MACROD2: variants seen among roughly 807,000 people sequenced by gnomAD.
MACROD2 encodes the protein mono-ADP ribosylhydrolase 2, also known as ADP-ribose glycohydrolase MACROD2.
MACROD2 carries 36 observed loss-of-function variants against 70.4 expected under a neutral mutation model. The ratio of observed to expected loss-of-function variants is 0.51; its 90% CI spans 0.39 to 0.68. MACROD2 has a LOEUF of 0.68. MACROD2 is among the 30% of genes least tolerant of loss of function. MACROD2 has a pLI of 0.00. For synonymous variants in MACROD2, 172 were observed against 178.8 expected, an observed-to-expected ratio of 0.96 and a Z score of 0.30; for missense variants, 496 against 538.4, an observed-to-expected ratio of 0.92 and a Z score of 0.78.
intron 15 of MACROD2, among the ~76,000 whole-genome samples, chr20:16,013,764 T>C (rs775107): frequency 0.26 from 39,505 of 152,206 alleles, 5,266 homozygotes; most frequent in South Asian, 0.35. Context: ...CAGAGTGACA[T>C]TGCAATTTAC....
chr20:14,051,228 A>G (rs1601161641), intron 2 of MACROD2, among the ~76,000 whole-genome samples: 2 of 152,224 alleles, frequency 1.3e-5, no homozygotes, highest in African/African-American at 2.4e-5. Flanking sequence ...TTTAAAATAC[A>G]TAATGTTGTT....
chr20:14,989,501 T>G (rs2074881225), intron 5 of MACROD2, among the ~76,000 whole-genome samples: 1 of 151,534 alleles, frequency 6.6e-6, no homozygotes, highest in Non-Finnish European at 1.5e-5. Flanking sequence ...GAAAAGGGAG[T>G]GGAGGCAGAC....
At chr20:15,930,818 G>A (rs1381906665) in intron 10 of MACROD2, among the ~76,000 whole-genome samples, 1 of 152,194 alleles carries the variant, frequency 6.6e-6, no homozygotes, top group Non-Finnish European at 1.5e-5. Context: ...CTATTAGAAA[G>A]CTGGATTTCA....
intron 5 of MACROD2, among the ~76,000 whole-genome samples, chr20:15,041,667 CTCCTGGGCTCAAGT>C: frequency 6.6e-6 from 1 of 152,230 alleles, no homozygotes; most frequent in Admixed American, 6.5e-5. Flanking sequence ...TGGTCTCAAG[CTCCTGGGCTCAAGT>C]GATCCTCCTG....
intron 4 of MACROD2, among the ~76,000 whole-genome samples, chr20:14,620,591 T>C (rs1983773220): frequency 6.6e-6 from 1 of 152,084 alleles, no homozygotes; most frequent in East Asian, 1.9e-4. Flanking sequence ...GTAGGCTCCT[T>C]TGATTGGTTC....
At chr20:14,907,261 G>T (rs1463143203) in intron 5 of MACROD2, among the ~76,000 whole-genome samples, 1 of 152,220 alleles carries the variant, frequency 6.6e-6, no homozygotes, top group African/African-American at 2.4e-5. Context: ...GTGCAGGACT[G>T]CCTCTGGGCT....
chr20:15,872,036 G>A (rs2064592589), intron 9 of MACROD2, among the ~76,000 whole-genome samples: 1 of 152,162 alleles, frequency 6.6e-6, no homozygotes, highest in South Asian at 2.1e-4. Context: ...AGTTGGGTAT[G>A]TCTGAGCTCA....
chr20:14,598,783 G>A (rs1030268852), intron 4 of MACROD2, among the ~76,000 whole-genome samples: 2 of 152,094 alleles, frequency 1.3e-5, no homozygotes, highest in Non-Finnish European at 2.9e-5. Flanking sequence ...CTTTTGCCCT[G>A]CAATTTCACA....
At chr20:15,165,519 G>A (rs1288074196) in intron 5 of MACROD2, among the ~76,000 whole-genome samples, 2 of 152,102 alleles carry the variant, frequency 1.3e-5, no homozygotes, top group Non-Finnish European at 2.9e-5. Flanking sequence ...TAGGATCCTT[G>A]GGGAAAAAAG....
intron 2 of MACROD2, among the ~76,000 whole-genome samples, chr20:14,034,472 A>G (rs772817221): frequency 6.6e-5 from 10 of 152,216 alleles, no homozygotes; most frequent in Admixed American, 1.3e-4. Context: ...CAGCCATGGA[A>G]TTGCTAGGGT....
At chr20:14,528,111 C>CT (rs5840621) in intron 4 of MACROD2, among the ~76,000 whole-genome samples, 34,521 of 141,552 alleles carry the variant, frequency 0.24, 4,628 homozygotes, top group Middle Eastern at 0.32. Flanking sequence ...ACTGTCTACA[C>CT]TTTTTTTTTT....
At position 15,708,801 on chromosome 20, in the gene MACROD2, G is replaced by A. The variant is rs113562034; in HGVS notation, c.646-153944G>A. ...AGCACTTTGGGAGCTGAGGCAGGAG[G>A]ATTGTTTAAGGCCAGGAGTTCAAGA... On this transcript the variant is annotated intron_variant, in intron 8 of 17. Coordinates refer to ENST00000684519, the MANE Select transcript of MACROD2 (RefSeq NM_001351661.2). 4.9e-3 allele frequency among the ~76,000 whole-genome samples: 745 copies of A among 152,108 alleles called. 6 individuals are homozygous for A. The highest frequency in any genetic ancestry group is 0.017 in the African/African-American group (687 of 41,500).
chr20:15,679,370 T>C (rs1036327817), intron 8 of MACROD2, among the ~76,000 whole-genome samples: 1 of 151,880 alleles, frequency 6.6e-6, no homozygotes, highest in Non-Finnish European at 1.5e-5. Context: ...GCATTGCTCA[T>C]AGCAGGTGCA....
chr20:15,149,096 T>C (rs1459740478), intron 5 of MACROD2, among the ~76,000 whole-genome samples: 2 of 152,016 alleles, frequency 1.3e-5, no homozygotes, highest in Non-Finnish European at 2.9e-5. Context: ...TTTTAGTTAT[T>C]TGACTTGGGG....
chr20:14,746,868 T>C (rs1357521726), intron 5 of MACROD2, among the ~76,000 whole-genome samples: 1 of 152,172 alleles, frequency 6.6e-6, no homozygotes, highest in Non-Finnish European at 1.5e-5. Flanking sequence ...GTTAATTCAA[T>C]TGAATTTCCA....
At chr20:14,711,472 A>G (rs2071337625) in intron 5 of MACROD2, among the ~76,000 whole-genome samples, 1 of 152,200 alleles carries the variant, frequency 6.6e-6, no homozygotes. Context: ...ATTTTGAAGT[A>G]TTGAAATGTT....
At chr20:14,113,190 A>G (rs1362209188) in intron 3 of MACROD2, among the ~76,000 whole-genome samples, 1 of 152,046 alleles carries the variant, frequency 6.6e-6, no homozygotes, top group African/African-American at 2.4e-5. Flanking sequence ...ATAGAAATAA[A>G]TATTTTATTT....
chr20:14,484,193 CAT>C (rs1325277605), intron 3 of MACROD2, among the ~76,000 whole-genome samples: 3 of 152,090 alleles, frequency 2.0e-5, no homozygotes, highest in Non-Finnish European at 2.9e-5. Context: ...TTTTAATAAA[CAT>C]ATTTTAATAT....
intron 4 of MACROD2, among the ~76,000 whole-genome samples, chr20:14,648,644 A>ATATATATATATATC (rs1330379729): frequency 2.0e-5 from 3 of 151,506 alleles, no homozygotes; most frequent in African/African-American, 4.9e-5. Context: ...ATATCTATCT[A>ATATATATATATATC]TCTCACATAC....
Sources: gnomAD v4.1 joint callset for allele counts (sites outside exome capture counted in the v4.1 genomes callset) on GRCh38, gnomAD v4.1.1 for gene constraint, MANE v1.5 for transcripts, NCBI Gene and HGNC (gene_info 2026-07-23, HGNC 2026-07-21) for gene names.